LYST: variants seen among roughly 807,000 people sequenced by gnomAD.
LYST encodes the protein lysosomal trafficking regulator.
In LYST, 192 loss-of-function variants were observed where a neutral mutation model predicts 413.6. That is an observed-to-expected ratio of 0.46 (90% CI 0.41 to 0.52). The LOEUF (loss-of-function observed/expected upper bound fraction) is 0.52. Ranked by LOEUF, LYST falls within the 20% of genes least tolerant of loss-of-function variation. LYST has a pLI of 0.00. For missense variants in LYST, 3,815 were observed against 4,499.9 expected (o/e 0.85, Z 4.35); for synonymous variants, 1,525 against 1,567.3 (o/e 0.97, Z 0.64).
At chr1:235,801,212 A>C in intron 8 of LYST, 115 bp from the exon 9 acceptor site, 1 of 733,516 alleles carries the variant, frequency 1.4e-6, no homozygotes, top group Middle Eastern at 2.5e-4. Context: ...GATGCTTACA[A>C]AACCTTTTCC....
At chr1:235,848,729 T>C (rs549783232) in intron 1 of LYST, among the ~76,000 whole-genome samples, 6 of 152,046 alleles carry the variant, frequency 3.9e-5, no homozygotes, top group Non-Finnish European at 8.8e-5. Context: ...CAAAAGATCA[T>C]TCAAGGCTAC....
At chr1:235,839,304 T>G (rs944400521) in intron 1 of LYST, among the ~76,000 whole-genome samples, 18 of 151,460 alleles carry the variant, frequency 1.2e-4, no homozygotes, top group African/African-American at 4.4e-4. Context: ...TCGCCCAGGA[T>G]GGAGTGCAGT....
At chr1:235,687,078 T>C (rs1378647027) in intron 47 of LYST, 31 bp from the exon 48 acceptor site, 4 of 1,410,400 alleles carry the variant, frequency 2.8e-6, no homozygotes, top group Non-Finnish European at 4.0e-6. Context: ...AAGATTATCA[T>C]GTTTTAAAAG....
chr1:235,823,950 C>T lies in LYST; in HGVS notation c.192+6276G>A, dbSNP rs1675058474. Among the ~76,000 whole-genome samples, 3 of 152,164 alleles carry T rather than the reference C, an allele frequency of 2.0e-5. No individual in the cohort carries two copies. The South Asian group carries it at 6.2e-4, about 32-fold the overall frequency. On this transcript the variant is annotated intron_variant, in intron 3 of 52. Transcript: ENST00000389793. ...TCCGCATCTAGCAGAGGTGCTGGGCCATAGTAGGTACTTAATGGTCTGCTG... is the reference window on the plus strand; with the variant it reads ...TCCGCATCTAGCAGAGGTGCTGGGCTATAGTAGGTACTTAATGGTCTGCTG...
At chr1:235,719,828 C>T (rs1418328655) in intron 40 of LYST, among the ~76,000 whole-genome samples, 1 of 151,866 alleles carries the variant, frequency 6.6e-6, no homozygotes, top group African/African-American at 2.4e-5. Context: ...AATAAGTGAC[C>T]TGGTTTTTCC....
chr1:235,679,602 T>A (rs1423773304), intron 48 of LYST, among the ~76,000 whole-genome samples: 1 of 152,128 alleles, frequency 6.6e-6, no homozygotes, highest in Non-Finnish European at 1.5e-5. Context: ...TTCCTCTATT[T>A]GTGGAACAGA....
At chr1:235,723,933 G>C in intron 39 of LYST, 95 bp downstream of exon 39, 1 of 1,103,866 alleles carries the variant, frequency 9.1e-7, no homozygotes, top group Non-Finnish European at 1.4e-6. Flanking sequence ...AATTTTATTC[G>C]ATTTCAGTAA....
At position 235,724,309 on chromosome 1, in the gene LYST, C is replaced by G. The variant is rs1043692748; in HGVS notation, c.9163-129G>C. ...TGTGGCAGATGGCAGATAAGATTAC[C>G]TGAAAACTCTCCCAATGCAAAACAC... On this transcript the variant is annotated intron_variant, in intron 38 of 52. Transcript: ENST00000389793. 1.8e-5 allele frequency: 13 copies of G among 727,518 alleles called. No homozygotes were observed. In the African/African-American group the frequency reaches 2.2e-4, roughly 12 times the overall value. The allele number at this position is 727,518 out of a possible 1,614,324, so 45.1% of individuals were successfully genotyped here.
chr1:235,739,845 G>C (rs1218200928), intron 31 of LYST, among the ~76,000 whole-genome samples: 2 of 152,112 alleles, frequency 1.3e-5, no homozygotes, highest in African/African-American at 4.8e-5. Context: ...ACTGGCCTTG[G>C]TGACGAAATG....
intron 41 of LYST, among the ~76,000 whole-genome samples, chr1:235,716,089 A>G (rs1363550077): frequency 2.6e-5 from 4 of 152,210 alleles, no homozygotes; most frequent in Admixed American, 6.5e-5. Context: ...AGTGACAGTC[A>G]TAAGATGCTT....
chr1:235,761,141 A>G (rs1281006153), intron 22 of LYST, among the ~76,000 whole-genome samples: 3 of 152,146 alleles, frequency 2.0e-5, no homozygotes, highest in Non-Finnish European at 4.4e-5. Flanking sequence ...ATAAAAACAT[A>G]GCCTTAAAAT....
At chr1:235,707,495 C>T (rs191946652) in intron 44 of LYST, among the ~76,000 whole-genome samples, 184 of 152,040 alleles carry the variant, frequency 1.2e-3, no homozygotes, top group South Asian at 3.7e-3. Flanking sequence ...CGGTGGTGGG[C>T]GCCTGTAATC....
intron 1 of LYST, among the ~76,000 whole-genome samples, chr1:235,850,928 GA>G (rs1678456911): frequency 6.6e-6 from 1 of 152,168 alleles, no homozygotes; most frequent in African/African-American, 2.4e-5. Context: ...CTGCTGGTAG[GA>G]ATGTAAACTA....
At chr1:235,709,344 C>A in intron 43 of LYST, 36 bp from the exon 44 acceptor site, 1 of 1,498,790 alleles carries the variant, frequency 6.7e-7, no homozygotes, top group Middle Eastern at 2.1e-4. Context: ...TTTAACTCCC[C>A]CACAGCAAGT....
intron 44 of LYST, among the ~76,000 whole-genome samples, chr1:235,706,497 C>CT (rs1385940080): frequency 3.9e-5 from 6 of 152,158 alleles, no homozygotes; most frequent in Non-Finnish European, 7.3e-5. Context: ...GGTTTAACTA[C>CT]TTGGGGTCTT....
At chr1:235,770,816 T>C (rs1668588499) in intron 19 of LYST, among the ~76,000 whole-genome samples, 1 of 152,168 alleles carries the variant, frequency 6.6e-6, no homozygotes, top group Non-Finnish European at 1.5e-5. Context: ...ATCTGCATGA[T>C]TACAAACTAT....
Position 235,821,912 on chromosome 1 carries a change from A to C in LYST, c.192+8314T>G, listed in dbSNP as rs543277141. On this transcript the variant is annotated intron_variant, in intron 3 of 52. Coordinates refer to ENST00000389793, the MANE Select transcript of LYST (RefSeq NM_000081.4). ...CTCCAGAAAGACTTAGGTGGTGCCT[A>C]GTACACCCTATCACCTAGACAAAAG... Among the ~76,000 whole-genome samples, 4 of 152,334 alleles carry C rather than the reference A, an allele frequency of 2.6e-5. 1 individual carries two copies. The highest frequency in any genetic ancestry group is 7.2e-5 in the African/African-American group (3 of 41,590).
Position 235,770,184 on chromosome 1 carries a change from A to G in LYST, c.5898T>C (p.Phe1966=). 6.2e-7 allele frequency: 1 copy of G among 1,613,628 alleles called. No individual in the cohort carries two copies. Among genetic ancestry groups the G allele is most frequent in the Non-Finnish European group, 8.5e-7 (1 of 1,179,720 alleles). Residue 1966 remains phenylalanine (F), a synonymous_variant, in exon 20 of 53, where the codon TTT becomes TTC. Coordinates refer to ENST00000389793, the MANE Select transcript of LYST (RefSeq NM_000081.4). ...QLLKAQVVHH[F]LLTCQVLQEY... ...CCTGCAAAACCTGACAAGTCAGTAG[A>G]AAGTGATGAACCACTTGAGCTTTCA...
chr1:235,786,841 T>C (rs562743663), intron 14 of LYST, among the ~76,000 whole-genome samples: 33 of 136,366 alleles, frequency 2.4e-4, no homozygotes, highest in African/African-American at 6.4e-4. Flanking sequence ...TAGGTGGGAA[T>C]TGAACAATGA....
Sources: allele counts gnomAD v4.1 joint callset (sites outside exome capture counted in the v4.1 genomes callset), GRCh38; gene constraint gnomAD v4.1.1; transcripts MANE v1.5; gene names NCBI Gene and HGNC (gene_info 2026-07-23, HGNC 2026-07-21).